Variants in GNA14 observed in about 807,000 individuals in gnomAD.
The protein encoded by GNA14 is guanine nucleotide-binding protein subunit alpha-14.
GNA14 carries 50 observed loss-of-function variants against 42.0 expected under a neutral mutation model. The ratio of observed to expected loss-of-function variants is 1.19; its 90% CI spans 0.95 to 1.51. GNA14 has a LOEUF of 1.51. GNA14 is among the 40% of genes most tolerant of loss of function. The pLI, the probability that GNA14 is intolerant of heterozygous loss-of-function variation, is 0.00. For missense variants in GNA14, 473 were observed against 446.2 expected, an observed-to-expected ratio of 1.06 and a Z score of -0.54; for synonymous variants, 173 against 163.1, an observed-to-expected ratio of 1.06 and a Z score of -0.46.
intron 1 of GNA14, among the ~76,000 whole-genome samples, chr9:77,613,371 A>G (rs1335844462): frequency 6.6e-6 from 1 of 152,250 alleles, no homozygotes; most frequent in Non-Finnish European, 1.5e-5. Flanking sequence ...GTAGAATGGC[A>G]GTTGCCAGGG....
At chr9:77,639,692 A>G (rs1824229654) in intron 1 of GNA14, among the ~76,000 whole-genome samples, 1 of 152,236 alleles carries the variant, frequency 6.6e-6, no homozygotes, top group South Asian at 2.1e-4. Flanking sequence ...CTTGTCTGGT[A>G]CTAGCATTTG....
intron 5 of GNA14, among the ~76,000 whole-genome samples, chr9:77,426,640 G>A (rs1266619686): frequency 6.6e-6 from 1 of 152,214 alleles, no homozygotes; most frequent in Non-Finnish European, 1.5e-5. Flanking sequence ...CCAAGCCCAT[G>A]TAATAGTGGG....
At chr9:77,468,947 C>G (rs1407762658) in intron 2 of GNA14, among the ~76,000 whole-genome samples, 2 of 152,206 alleles carry the variant, frequency 1.3e-5, no homozygotes, top group African/African-American at 4.8e-5. Flanking sequence ...TCTTAAAACT[C>G]TCAACACATG....
intron 1 of GNA14, among the ~76,000 whole-genome samples, chr9:77,624,678 G>A (rs1233540480): frequency 6.6e-6 from 1 of 152,154 alleles, no homozygotes; most frequent in African/African-American, 2.4e-5. Context: ...GCAGCAGAGG[G>A]GCCTGACTGT....
intron 1 of GNA14, among the ~76,000 whole-genome samples, chr9:77,532,314 C>G (rs919780530): frequency 3.9e-5 from 6 of 152,180 alleles, no homozygotes; most frequent in African/African-American, 1.4e-4. Context: ...TCTCATCCAT[C>G]GCTCCCATCA....
Position 77,573,756 on chromosome 9 carries a change from A to G in GNA14, c.125-44503T>C, listed in dbSNP as rs142150405. Among the ~76,000 whole-genome samples, 769 of 152,262 alleles carry G rather than the reference A, an allele frequency of 5.1e-3. 5 individuals are homozygous for G. The highest frequency in any genetic ancestry group is 0.017 in the African/African-American group (709 of 41,554). Reference sequence around the variant, plus strand: ...CGCAATTAGACTTTTGTACTGCTTAAGCACTACCCTTTGTTTTTATAACTT... The same window carrying G: ...CGCAATTAGACTTTTGTACTGCTTAGGCACTACCCTTTGTTTTTATAACTT... On this transcript the variant is annotated intron_variant, in intron 1 of 6. Coordinates refer to ENST00000341700, the MANE Select transcript of GNA14 (RefSeq NM_004297.4).
At chr9:77,635,035 TA>T (rs768983489) in intron 1 of GNA14, among the ~76,000 whole-genome samples, 1 of 152,178 alleles carries the variant, frequency 6.6e-6, no homozygotes, top group Non-Finnish European at 1.5e-5. Flanking sequence ...TTTATTTCAA[TA>T]GGTTTTTTTG....
chr9:77,593,029 G>A (rs914502978), intron 1 of GNA14, among the ~76,000 whole-genome samples: 1 of 152,090 alleles, frequency 6.6e-6, no homozygotes, highest in Non-Finnish European at 1.5e-5. Flanking sequence ...AGGGAGCTGG[G>A]GTAGAGGGCA....
At chr9:77,629,071 C>G (rs1181987605) in intron 1 of GNA14, among the ~76,000 whole-genome samples, 1 of 151,978 alleles carries the variant, frequency 6.6e-6, no homozygotes, top group African/African-American at 2.4e-5. Context: ...AAAGTGGCCA[C>G]AGGATATGAA....
chr9:77,440,367 G>GC (rs1023337237), intron 2 of GNA14, among the ~76,000 whole-genome samples: 67 of 152,318 alleles, frequency 4.4e-4, no homozygotes, highest in African/African-American at 1.5e-3. Context: ...CCAGCGGGCA[G>GC]CCCCGTCTCC....
chr9:77,565,682 T>C (rs1317521047), intron 1 of GNA14, among the ~76,000 whole-genome samples: 1 of 152,228 alleles, frequency 6.6e-6, no homozygotes, highest in Non-Finnish European at 1.5e-5. Flanking sequence ...GGTCTCAAAC[T>C]CCCTGCCTCG....
Position 77,537,193 on chromosome 9 carries a change from C to T in GNA14, c.125-7940G>A, listed in dbSNP as rs143803409. ...CTTATTTCTTCTATCTAACTGTATG[C>T]TTGTACCCACTAATCAACCTCCCTT... On this transcript the variant is annotated intron_variant, in intron 1 of 6. Coordinates refer to ENST00000341700, the MANE Select transcript of GNA14 (RefSeq NM_004297.4). Among the ~76,000 whole-genome samples, 233 of 152,250 alleles carry T rather than the reference C, an allele frequency of 1.5e-3. 7 individuals are homozygous for T. In the East Asian group the frequency reaches 0.04, roughly 26 times the overall value.
At chr9:77,461,184 T>A (rs2131712169) in intron 2 of GNA14, among the ~76,000 whole-genome samples, 1 of 152,304 alleles carries the variant, frequency 6.6e-6, no homozygotes, top group Middle Eastern at 3.4e-3. Context: ...ATCCGCGCTG[T>A]GAGTGCTGCA....
intron 2 of GNA14, among the ~76,000 whole-genome samples, chr9:77,441,744 C>T (rs896598058): frequency 6.6e-6 from 1 of 151,978 alleles, no homozygotes; most frequent in African/African-American, 2.4e-5. Flanking sequence ...CTCTTTGTAG[C>T]ATAGTATTTC....
At chr9:77,576,902 G>A (rs1823137212) in intron 1 of GNA14, among the ~76,000 whole-genome samples, 1 of 152,074 alleles carries the variant, frequency 6.6e-6, no homozygotes, top group Admixed American at 6.6e-5. Flanking sequence ...AGCCTCATAT[G>A]CTAACCTGAA....
intron 1 of GNA14, among the ~76,000 whole-genome samples, chr9:77,634,372 A>G (rs1824145318): frequency 6.7e-6 from 1 of 149,468 alleles, no homozygotes; most frequent in Non-Finnish European, 1.5e-5. Flanking sequence ...TGATCACACC[A>G]CTGCACTCCA....
In GNA14 at chr9:77,423,842, C is replaced by G; in HGVS notation, c.*137G>C. On this transcript the variant is annotated 3_prime_UTR_variant, in exon 7 of 7. Transcript: ENST00000341700. ...ATATCTTCCAAGTTCCATCACCCAT[C>G]TCTGTCCCCACGATCTACATGACAT... The G allele has an allele frequency of 2.1e-6, 1 of 479,712 alleles. No individual in the cohort carries two copies. The highest frequency in any genetic ancestry group is 3.7e-6 in the Non-Finnish European group (1 of 270,752). The allele number at this position is 479,712 out of a possible 1,614,324, so 29.7% of individuals were successfully genotyped here.
intron 2 of GNA14, among the ~76,000 whole-genome samples, chr9:77,445,667 A>G (rs1835805764): frequency 6.6e-6 from 1 of 151,984 alleles, no homozygotes; most frequent in South Asian, 2.1e-4. Flanking sequence ...ACTTGAACCT[A>G]GGAGTCGGAG....
At chr9:77,588,838 G>T (rs1046010666) in intron 1 of GNA14, among the ~76,000 whole-genome samples, 1 of 152,142 alleles carries the variant, frequency 6.6e-6, no homozygotes, top group Non-Finnish European at 1.5e-5. Context: ...TATACTGGGT[G>T]CTTACTGTGT....
Sources: allele counts gnomAD v4.1 joint callset (sites outside exome capture counted in the v4.1 genomes callset), GRCh38; gene constraint gnomAD v4.1.1; transcripts MANE v1.5; gene names NCBI Gene and HGNC (gene_info 2026-07-23, HGNC 2026-07-21).